PCSK6: variants seen among roughly 807,000 people sequenced by gnomAD.
The protein encoded by PCSK6 is proprotein convertase subtilisin/kexin type 6.
A neutral mutation model predicts 123.3 loss-of-function variants in PCSK6; 85 were observed. That is an observed-to-expected ratio of 0.69 (90% CI 0.58 to 0.83). The LOEUF (loss-of-function observed/expected upper bound fraction) is 0.83. Among genes scored for constraint, PCSK6 ranks in the 40% least tolerant of loss-of-function variants. The pLI is 0.00. For synonymous variants in PCSK6, 508 were observed against 516.0 expected (o/e 0.98, Z 0.21); for missense variants, 1,191 against 1,282.3 (o/e 0.93, Z 1.09).
intron 9 of PCSK6, among the ~76,000 whole-genome samples, chr15:101,386,128 CTCGGTGCGTGTT>C (rs2042055264): frequency 6.6e-6 from 1 of 152,084 alleles, no homozygotes; most frequent in South Asian, 2.1e-4. Context: ...ACACCGTGCT[CTCGGTGCGTGTT>C]TACTAGGAAC....
intron 13 of PCSK6, among the ~76,000 whole-genome samples, chr15:101,353,321 G>A (rs1375371311): frequency 2.0e-5 from 3 of 152,294 alleles, no homozygotes; most frequent in Admixed American, 6.5e-5. Context: ...TGCCTTTGCC[G>A]ATGTGACAGG....
chr15:101,477,034 C>T (rs1256558685), intron 1 of PCSK6, among the ~76,000 whole-genome samples: 1 of 152,152 alleles, frequency 6.6e-6, no homozygotes, highest in Non-Finnish European at 1.5e-5. Flanking sequence ...TCCACAGCAG[C>T]TGCAGCACTA....
chr15:101,487,472 G>A (rs1182113255), intron 1 of PCSK6, among the ~76,000 whole-genome samples: 1 of 152,250 alleles, frequency 6.6e-6, no homozygotes, highest in Admixed American at 6.5e-5. Context: ...GACAGAGGTT[G>A]TCTCAAAGGG....
At chr15:101,313,012 A>G in intron 20 of PCSK6, 1 of 1,162,496 alleles carries the variant, frequency 8.6e-7, no homozygotes, top group Non-Finnish European at 1.1e-6. Context: ...CTCCAAAAAA[A>G]TTTTTTTTTA....
chr15:101,323,716 G>A (rs1456165241), intron 17 of PCSK6, among the ~76,000 whole-genome samples: 1 of 143,946 alleles, frequency 6.9e-6, no homozygotes, highest in African/African-American at 2.6e-5. Context: ...CTGGGAGACA[G>A]TGAGACTCCA....
Position 101,382,444 on chromosome 15 carries a change from C to T in PCSK6, c.1415-235G>A, listed in dbSNP as rs367544423. 1.5e-3 allele frequency among the ~76,000 whole-genome samples: 231 copies of T among 152,336 alleles called. 1 individual carries two copies. The highest frequency in any genetic ancestry group is 4.9e-3 in the African/African-American group (204 of 41,574). ...AAATTTAGGAGTGTGGGTCAGGAAA[C>T]ACGTCCCGCTTTGGTACAGAGTAGA... On this transcript the variant is annotated intron_variant, in intron 10 of 21. Coordinates refer to ENST00000611716, the MANE Select transcript of PCSK6 (RefSeq NM_002570.5).
intron 18 of PCSK6, among the ~76,000 whole-genome samples, chr15:101,320,270 G>A (rs986774071): frequency 5.3e-5 from 8 of 152,066 alleles, no homozygotes; most frequent in African/African-American, 1.9e-4. Context: ...ATTTTTAGTA[G>A]AGACAGGGTT....
At chr15:101,369,024 T>C (rs570751860) in intron 12 of PCSK6, among the ~76,000 whole-genome samples, 1 of 152,172 alleles carries the variant, frequency 6.6e-6, no homozygotes, top group South Asian at 2.1e-4. Context: ...GAGGTGCCCC[T>C]GTGACACTCG....
chr15:101,401,916 C>T (rs888935565), intron 6 of PCSK6, among the ~76,000 whole-genome samples: 1 of 151,958 alleles, frequency 6.6e-6, no homozygotes, highest in Non-Finnish European at 1.5e-5. Flanking sequence ...TTGGAAAAAA[C>T]TACTTTAAAG....
chr15:101,373,269 A>T (rs561595463), intron 11 of PCSK6, among the ~76,000 whole-genome samples: 2 of 152,268 alleles, frequency 1.3e-5, no homozygotes, highest in Admixed American at 6.5e-5. Flanking sequence ...TAATGGCCTC[A>T]CTTCGTTTGG....
intron 13 of PCSK6, chr15:101,347,415 G>T: frequency 8.1e-7 from 1 of 1,237,528 alleles, no homozygotes; most frequent in Admixed American, 4.1e-5. Flanking sequence ...AACTTTTTAG[G>T]ATGAATAAAG....
intron 2 of PCSK6, among the ~76,000 whole-genome samples, chr15:101,442,698 G>A (rs1025124210): frequency 7.2e-5 from 11 of 152,018 alleles, no homozygotes; most frequent in Non-Finnish European, 1.6e-4. Context: ...TAGTATATAC[G>A]TTAACTTTTA....
chr15:101,481,903 G>A (rs2057896030), intron 1 of PCSK6, among the ~76,000 whole-genome samples: 1 of 152,240 alleles, frequency 6.6e-6, no homozygotes, highest in South Asian at 2.1e-4. Flanking sequence ...AGAGAGAGGT[G>A]TGAGTGGTTC....
intron 6 of PCSK6, among the ~76,000 whole-genome samples, chr15:101,400,685 G>A (rs1442938306): frequency 1.3e-5 from 2 of 152,162 alleles, no homozygotes; most frequent in Non-Finnish European, 2.9e-5. Flanking sequence ...GTGCTCTTTT[G>A]ATGGAAACTG....
intron 9 of PCSK6, among the ~76,000 whole-genome samples, chr15:101,386,498 C>T (rs1283133314): frequency 1.3e-5 from 2 of 152,210 alleles, no homozygotes; most frequent in Non-Finnish European, 2.9e-5. Context: ...CTCTGTCCCA[C>T]GGGACACTCA....
intron 1 of PCSK6, among the ~76,000 whole-genome samples, chr15:101,457,788 C>T (rs915842577): frequency 4.6e-5 from 7 of 152,222 alleles, no homozygotes; most frequent in South Asian, 2.1e-4. Flanking sequence ...CAATACCATT[C>T]GTGTCTGGCA....
intron 1 of PCSK6, among the ~76,000 whole-genome samples, chr15:101,446,646 A>G (rs930937613): frequency 6.6e-6 from 1 of 152,238 alleles, no homozygotes; most frequent in African/African-American, 2.4e-5. Flanking sequence ...AAGAGTTCAT[A>G]TGTGAACTCT....
intron 6 of PCSK6, among the ~76,000 whole-genome samples, chr15:101,407,025 C>T (rs1368457698): frequency 6.6e-6 from 1 of 152,116 alleles, no homozygotes; most frequent in Non-Finnish European, 1.5e-5. Flanking sequence ...AGCTGTGTCA[C>T]GGACACAGGT....
At chr15:101,433,861 G>A (rs945157633) in intron 2 of PCSK6, among the ~76,000 whole-genome samples, 1 of 152,230 alleles carries the variant, frequency 6.6e-6, no homozygotes, top group African/African-American at 2.4e-5. Flanking sequence ...CATCCTTGGT[G>A]TACAGGGCAA....
Sources: gnomAD v4.1 joint callset for allele counts (sites outside exome capture counted in the v4.1 genomes callset) on GRCh38, gnomAD v4.1.1 for gene constraint, MANE v1.5 for transcripts, NCBI Gene and HGNC (gene_info 2026-07-23, HGNC 2026-07-21) for gene names.